ADORA2B: variants seen among roughly 807,000 people sequenced by gnomAD.
ADORA2B encodes adenosine A2b receptor, also known as adenosine receptor A2b.
In ADORA2B, 18 loss-of-function variants were observed where a neutral mutation model predicts 20.8. That is an observed-to-expected ratio of 0.87 (90% confidence interval 0.60 to 1.29). The LOEUF is 1.29. Ranked by LOEUF, ADORA2B falls within the 50% of genes most tolerant of loss-of-function variation. The probability of loss-of-function intolerance (pLI) is 0.00; values close to 1 mark genes in which losing one functional copy is unlikely to be tolerated. For missense variants in ADORA2B, 441 were observed against 422.7 expected (o/e 1.04, Z -0.38); for synonymous variants, 179 against 178.3 (o/e 1.00, Z -0.03).
intron 1 of ADORA2B, among the ~76,000 whole-genome samples, chr17:15,959,850 G>T (rs1970013812): frequency 6.6e-6 from 1 of 152,168 alleles, no homozygotes; most frequent in African/African-American, 2.4e-5. Flanking sequence ...GATGTTCCCA[G>T]TTATCCCAAT....
intron 1 of ADORA2B, chr17:15,974,378 G>C (rs779133345): frequency 1.0e-5 from 3 of 296,596 alleles, no homozygotes; most frequent in African/African-American, 2.1e-5. Flanking sequence ...AGAACCCACC[G>C]AGGACATTGA....
chr17:15,936,049 T>C, the ADORA2B span, among the ~76,000 whole-genome samples: 1 of 151,756 alleles, frequency 6.6e-6, no homozygotes, highest in Non-Finnish European at 1.5e-5. Context: ...TTGTTTTGTT[T>C]TGTTTTTAGT....
the ADORA2B span, among the ~76,000 whole-genome samples, chr17:15,890,757 C>G: frequency 2.0e-5 from 3 of 152,206 alleles, no homozygotes; most frequent in African/African-American, 7.2e-5. Context: ...GCACAGCAGC[C>G]CCACTGGCTA....
the ADORA2B span, among the ~76,000 whole-genome samples, chr17:15,903,753 A>G: frequency 6.6e-6 from 1 of 152,212 alleles, no homozygotes; most frequent in Non-Finnish European, 1.5e-5. Context: ...GTGAAAAGTA[A>G]GAGTTCAAAA....
the ADORA2B span, among the ~76,000 whole-genome samples, chr17:15,908,232 T>C: frequency 1.1e-4 from 16 of 152,130 alleles, no homozygotes; most frequent in Non-Finnish European, 2.1e-4. Context: ...GAACTACAGG[T>C]GTGTGCCACC....
the ADORA2B span, among the ~76,000 whole-genome samples, chr17:15,927,084 C>T: frequency 2.3e-4 from 35 of 152,198 alleles, no homozygotes; most frequent in African/African-American, 5.8e-4. Flanking sequence ...CGGTGACTCA[C>T]GCCTGTAATC....
chr17:15,871,361 A>G, the ADORA2B span, among the ~76,000 whole-genome samples: 1 of 152,190 alleles, frequency 6.6e-6, no homozygotes, highest in South Asian at 2.1e-4. Context: ...AATAAAACTG[A>G]GTAAGATCAC....
chr17:15,965,197 A>G (rs1970100625), intron 1 of ADORA2B, among the ~76,000 whole-genome samples: 1 of 152,230 alleles, frequency 6.6e-6, no homozygotes, highest in Non-Finnish European at 1.5e-5. Context: ...AGCTGAAACC[A>G]TGTTCATGCA....
chr17:15,867,020 C>T, the ADORA2B span, among the ~76,000 whole-genome samples: 8 of 152,260 alleles, frequency 5.3e-5, no homozygotes, highest in Non-Finnish European at 7.3e-5. Flanking sequence ...CTCCTAACTG[C>T]GAGTGATCCG....
At chr17:15,855,479 A>G in the ADORA2B span, among the ~76,000 whole-genome samples, 22 of 152,164 alleles carry the variant, frequency 1.4e-4, no homozygotes, top group African/African-American at 4.3e-4. Context: ...ATGCAAAGCA[A>G]TGGAATCCTG....
At chr17:15,885,712 T>G in the ADORA2B span, among the ~76,000 whole-genome samples, 1 of 108,838 alleles carries the variant, frequency 9.2e-6, no homozygotes, top group Non-Finnish European at 1.9e-5. Context: ...AGACTCCGTA[T>G]CAAAAAAAAA....
the ADORA2B span, among the ~76,000 whole-genome samples, chr17:15,917,871 C>T: frequency 1.3e-5 from 2 of 152,236 alleles, no homozygotes; most frequent in Non-Finnish European, 2.9e-5. Flanking sequence ...CCCCAAACTT[C>T]GCCTGTCCAG....
upstream of ADORA2B, among the ~76,000 whole-genome samples, chr17:15,943,110 G>A (rs945551370): frequency 3.3e-5 from 5 of 152,190 alleles, no homozygotes; most frequent in African/African-American, 7.2e-5. Flanking sequence ...ACCAGGACAC[G>A]GAATGTGTGG....
At chr17:15,902,526 C>T in the ADORA2B span, among the ~76,000 whole-genome samples, 2 of 152,200 alleles carry the variant, frequency 1.3e-5, no homozygotes, top group East Asian at 3.8e-4. Flanking sequence ...AATAATATCC[C>T]AAATATCCCA....
the ADORA2B span, among the ~76,000 whole-genome samples, chr17:15,877,723 T>C: frequency 5.9e-5 from 9 of 151,598 alleles, no homozygotes; most frequent in African/African-American, 2.2e-4. Flanking sequence ...GAAGAGAGAG[T>C]GTCTGGAGCT....
At chr17:15,967,966 G>A (rs1970141962) in intron 1 of ADORA2B, among the ~76,000 whole-genome samples, 1 of 152,190 alleles carries the variant, frequency 6.6e-6, no homozygotes, top group South Asian at 2.1e-4. Context: ...AATGCTTCTT[G>A]GCCTCTCTGT....
chr17:15,962,716 C>G (rs1970056127), intron 1 of ADORA2B, among the ~76,000 whole-genome samples: 1 of 152,050 alleles, frequency 6.6e-6, no homozygotes, highest in African/African-American at 2.4e-5. Context: ...CGGGGTTTCA[C>G]CGTGTTGGCC....
chr17:15,867,528 G>A, the ADORA2B span, among the ~76,000 whole-genome samples: 1 of 150,522 alleles, frequency 6.6e-6, no homozygotes, highest in African/African-American at 2.5e-5. Context: ...TGTCTGGGAA[G>A]TGAGGAGCGT....
chr17:15,949,852 C>G (rs1969873891), intron 1 of ADORA2B, among the ~76,000 whole-genome samples: 1 of 151,352 alleles, frequency 6.6e-6, no homozygotes, highest in African/African-American at 2.4e-5. Context: ...AACTCTGTCT[C>G]AAAAAAAATA....
Sources: gnomAD v4.1 joint callset for allele counts (sites outside exome capture counted in the v4.1 genomes callset) on GRCh38, gnomAD v4.1.1 for gene constraint, MANE v1.5 for transcripts, NCBI Gene and HGNC (gene_info 2026-07-23, HGNC 2026-07-21) for gene names.